SEPHS1: variants seen among roughly 807,000 people sequenced by gnomAD.
SEPHS1 encodes the protein selenophosphate synthetase 1, also known as zincore component SEPHS1.
SEPHS1 carries 7 observed loss-of-function variants against 39.2 expected under a neutral mutation model. The observed-to-expected ratio is 0.18, with a 90% CI of 0.10 to 0.34. The LOEUF (loss-of-function observed/expected upper bound fraction) is 0.34, where lower values mean the gene tolerates loss of function less well. Ranked by LOEUF, SEPHS1 falls within the 10% of genes least tolerant of loss-of-function variation. SEPHS1 has a pLI of 1.00. For synonymous variants in SEPHS1, 190 were observed against 195.5 expected, an observed-to-expected ratio of 0.97 and a Z score of 0.23; for missense variants, 253 against 514.5, an observed-to-expected ratio of 0.49 and a Z score of 4.92.
rs779979593 is a variant in SEPHS1, at chr10:13,329,867, T to C, written c.561-79A>G. 21 of 1,149,260 alleles carry C rather than the reference T, an allele frequency of 1.8e-5. 1 individual carries two copies. The highest frequency in any genetic ancestry group is 6.4e-6 in the Non-Finnish European group (5 of 786,164). The allele number at this position is 1,149,260 out of a possible 1,614,324, so 71.2% of individuals were successfully genotyped here. The stretch of plus-strand genomic sequence containing the variant: ...ATTGTTATTAACACAAGAGAAGGAA[T>C]AATCTGTCAAAAATATATCTGCCTT... On this transcript the variant is annotated intron_variant, in intron 5 of 8. Coordinates refer to ENST00000327347, the MANE Select transcript of SEPHS1 (RefSeq NM_012247.5).
intron 3 of SEPHS1, among the ~76,000 whole-genome samples, chr10:13,337,926 T>G (rs554551537): frequency 1.3e-5 from 2 of 152,212 alleles, no homozygotes; most frequent in Non-Finnish European, 2.9e-5. Flanking sequence ...GTCCCTACAG[T>G]GCAGCCTGAT....
In SEPHS1 at chr10:13,317,708, T is replaced by TTGG. The variant is rs1455865893; in HGVS notation, c.*1433_*1434insCCA. The TTGG allele has an allele frequency of 6.6e-6, 1 of 152,186 alleles. No homozygotes were observed. Among genetic ancestry groups the TTGG allele is most frequent in the Non-Finnish European group, 1.5e-5 (1 of 68,052 alleles). 9.4% of individuals were successfully genotyped at this position (152,186 alleles called of 1,614,324 possible). On this transcript the variant is annotated 3_prime_UTR_variant, in exon 9 of 9. Coordinates refer to ENST00000327347, the MANE Select transcript of SEPHS1 (RefSeq NM_012247.5). ...TCATTTCCTTTGGCAAGAAGTCAGT[T>TTGG]TACATGTGCAGCTTTGGTGCCTGTG...
chr10:13,330,052 C>A (rs1452874853), intron 5 of SEPHS1, among the ~76,000 whole-genome samples: 2 of 152,158 alleles, frequency 1.3e-5, no homozygotes, highest in African/African-American at 4.8e-5. Flanking sequence ...AGGGGAGGAT[C>A]ACTTGAGCCC....
chr10:13,343,024 C>T (rs1032162653), intron 2 of SEPHS1, among the ~76,000 whole-genome samples: 6 of 152,078 alleles, frequency 3.9e-5, no homozygotes, highest in Non-Finnish European at 7.4e-5. Context: ...TGTGAGCCAC[C>T]GCACCCAACC....
chr10:13,347,085 C>G (rs928582858), intron 1 of SEPHS1, among the ~76,000 whole-genome samples: 1 of 152,132 alleles, frequency 6.6e-6, no homozygotes, highest in Non-Finnish European at 1.5e-5. Context: ...AGGGACGGTG[C>G]CCGGCGACCC....
At position 13,318,121 on chromosome 10, in the gene SEPHS1, C is replaced by T. The variant is rs551304214; in HGVS notation, c.*1021G>A. On this transcript the variant is annotated 3_prime_UTR_variant, in exon 9 of 9. Coordinates refer to ENST00000327347, the MANE Select transcript of SEPHS1 (RefSeq NM_012247.5). ...TTTATTTGAATAACAAGTTTAAGTT[C>T]GAGCTGCAATGTTGGCAATGCAGGT... 1 of 152,400 alleles carries T rather than the reference C, an allele frequency of 6.6e-6. No homozygotes were observed. The highest frequency in any genetic ancestry group is 2.4e-5 in the African/African-American group (1 of 41,418). 9.4% of individuals were successfully genotyped at this position (152,400 alleles called of 1,614,324 possible). A position where few individuals can be genotyped will look rare whatever the true frequency, so the allele number is the denominator to read the frequency against.
chr10:13,328,034 GTATCT>G (rs57953438), intron 7 of SEPHS1, among the ~76,000 whole-genome samples: 67,658 of 151,744 alleles, frequency 0.45, 16,998 homozygotes, highest in East Asian at 0.77. Context: ...AATAGCTCCA[GTATCT>G]TAAACTTTCT....
chr10:13,320,490 T>C (rs969634260), intron 8 of SEPHS1, among the ~76,000 whole-genome samples: 1 of 151,956 alleles, frequency 6.6e-6, no homozygotes, highest in Non-Finnish European at 1.5e-5. Flanking sequence ...CAAAATTTAT[T>C]TCTCTAAGTA....
chr10:13,344,002 A>G (rs1833863028), intron 2 of SEPHS1, among the ~76,000 whole-genome samples: 1 of 152,216 alleles, frequency 6.6e-6, no homozygotes, highest in African/African-American at 2.4e-5. Flanking sequence ...TGTTTGGGAA[A>G]AGTGAAATCA....
At chr10:13,321,762 G>A (rs976984186) in intron 8 of SEPHS1, among the ~76,000 whole-genome samples, 6 of 152,252 alleles carry the variant, frequency 3.9e-5, no homozygotes, top group Non-Finnish European at 8.8e-5. Context: ...GGGAATGAGC[G>A]ATGGCGAGCC....
At chr10:13,334,546 A>G (rs1219011542) in intron 4 of SEPHS1, among the ~76,000 whole-genome samples, 1 of 151,510 alleles carries the variant, frequency 6.6e-6, no homozygotes, top group Non-Finnish European at 1.5e-5. Flanking sequence ...CATCTCAAAA[A>G]CAAAAAAAAA....
At chr10:13,339,899 T>C (rs921174765) in intron 2 of SEPHS1, among the ~76,000 whole-genome samples, 10 of 152,234 alleles carry the variant, frequency 6.6e-5, no homozygotes, top group Admixed American at 5.2e-4. Context: ...TTTCAGTCTG[T>C]GGTTGGTTGA....
In SEPHS1 at chr10:13,331,970, G is replaced by A. The variant is rs1379711108; in HGVS notation, c.560+1847C>T. ...TGGGAACGTAAAATGGCGCAGCCATGTTGGAGACCAGTCTGATGATTCCTC... is the reference window on the plus strand; with the variant it reads ...TGGGAACGTAAAATGGCGCAGCCATATTGGAGACCAGTCTGATGATTCCTC... On this transcript the variant is annotated intron_variant, in intron 5 of 8. Coordinates refer to ENST00000327347, the MANE Select transcript of SEPHS1 (RefSeq NM_012247.5). 3.3e-5 allele frequency among the ~76,000 whole-genome samples: 5 copies of A among 152,244 alleles called. No homozygotes were observed. The East Asian group carries it at 9.6e-4, about 29-fold the overall frequency.
At position 13,340,323 on chromosome 10, in the gene SEPHS1, T is replaced by C. The variant is rs190074107; in HGVS notation, c.194-1515A>G. Among the ~76,000 whole-genome samples, 222 of 151,906 alleles carry C rather than the reference T, an allele frequency of 1.5e-3. 1 individual carries two copies. The highest frequency in any genetic ancestry group is 5.0e-3 in the African/African-American group (209 of 41,426). ...AGACCTCGCTTAGGGAATGGAGAAG[T>C]GAAGTTCAGAATGGCAAGTTTCAAC... is the stretch of plus-strand genomic sequence containing the variant. On this transcript the variant is annotated intron_variant, in intron 2 of 8. Coordinates refer to ENST00000327347, the MANE Select transcript of SEPHS1 (RefSeq NM_012247.5).
intron 6 of SEPHS1, 41 bp downstream of exon 6, chr10:13,329,657 T>C: frequency 6.8e-6 from 10 of 1,462,286 alleles, no homozygotes; most frequent in Non-Finnish European, 7.5e-6. Context: ...CCTGCAAACG[T>C]ACCATTCCCC....
intron 2 of SEPHS1, among the ~76,000 whole-genome samples, chr10:13,340,310 G>C (rs555067096): frequency 6.6e-6 from 1 of 152,048 alleles, no homozygotes; most frequent in African/African-American, 2.4e-5. Flanking sequence ...ACCTCGCTTA[G>C]GGAATGGAGA....
Position 13,322,943 on chromosome 10 carries a change from C to A in SEPHS1, c.856G>T (p.Val286Leu). The A allele has an allele frequency of 6.2e-7, 1 of 1,614,030 alleles. No homozygotes were observed. The highest frequency in any genetic ancestry group is 1.1e-5 in the South Asian group (1 of 91,070). The change falls in exon 8 of 9, where the codon GTG becomes TTG. Residue 286 changes from valine to leucine, a missense_variant. Val to Leu is a conservative substitution (Grantham distance 32). This residue lies in a region of SEPHS1 where 107 missense variants were observed against 257.1 expected (regional missense o/e 0.42). Transcript: ENST00000327347. ...QNLAKQQRNE[V>L]SFVIHNLPVL... Reference sequence around the variant, plus strand: ...GGGAGGTTGTGAATTACAAACGACACCTCGTTCCTCTGCTGCTTGGCCAGG... The same window carrying A: ...GGGAGGTTGTGAATTACAAACGACAACTCGTTCCTCTGCTGCTTGGCCAGG...
At chr10:13,325,209 TA>T (rs1484727816) in intron 7 of SEPHS1, among the ~76,000 whole-genome samples, 10 of 152,200 alleles carry the variant, frequency 6.6e-5, no homozygotes, top group Admixed American at 2.0e-4. Flanking sequence ...CTTTTGGTGT[TA>T]TAAAGTCATC....
rs1384194782 is a variant in SEPHS1, at chr10:13,317,978, A to G, written c.*1164T>C. ...CCCATGAAAGACTTAAAAGTTTTAT[A>G]AAACTAAAATCTAGTTTTTCCCGAT... On this transcript the variant is annotated 3_prime_UTR_variant, in exon 9 of 9. Coordinates refer to ENST00000327347, the MANE Select transcript of SEPHS1 (RefSeq NM_012247.5). The G allele has an allele frequency of 6.6e-6, 1 of 152,242 alleles. No homozygotes were observed. The highest frequency in any genetic ancestry group is 1.9e-4 in the East Asian group (1 of 5,206). 9.4% of individuals were successfully genotyped at this position (152,242 alleles called of 1,614,324 possible).
Sources: allele counts gnomAD v4.1 joint callset (sites outside exome capture counted in the v4.1 genomes callset), GRCh38; gene constraint gnomAD v4.1.1; regional missense constraint gnomAD v4.1.1; transcripts MANE v1.5; gene names NCBI Gene and HGNC (gene_info 2026-07-23, HGNC 2026-07-21).